LPP: variants seen among roughly 807,000 people sequenced by gnomAD.
LPP encodes the protein lipoma-preferred partner.
A neutral mutation model predicts 60.4 loss-of-function variants in LPP; 38 were observed. That is an observed-to-expected ratio of 0.63 (90% CI 0.49 to 0.83). LPP has a LOEUF of 0.83. LPP is among the 40% of genes least tolerant of loss of function. LPP has a pLI of 0.00. For synonymous variants in LPP, 328 were observed against 290.8 expected (o/e 1.13, Z -1.30); for missense variants, 902 against 783.6 (o/e 1.15, Z -1.80).
chr3:188,203,538 AAT>A (rs535836830), intron 1 of LPP, among the ~76,000 whole-genome samples: 1,409 of 86,294 alleles, frequency 0.016, 27 homozygotes, highest in African/African-American at 0.05. Flanking sequence ...TATATATTTA[AAT>A]ATATATATAT....
At chr3:188,558,790 A>G (rs1001121349) in intron 6 of LPP, among the ~76,000 whole-genome samples, 8 of 152,106 alleles carry the variant, frequency 5.3e-5, no homozygotes, top group African/African-American at 1.7e-4. Flanking sequence ...AGATTTGCCA[A>G]TGGTCAAAAG....
chr3:188,783,121 C>T (rs998730068), intron 9 of LPP, among the ~76,000 whole-genome samples: 2 of 152,076 alleles, frequency 1.3e-5, no homozygotes, highest in African/African-American at 2.4e-5. Context: ...TTATCCTACC[C>T]AATGGGATTC....
At chr3:188,716,447 T>C (rs561324185) in intron 8 of LPP, among the ~76,000 whole-genome samples, 8 of 152,290 alleles carry the variant, frequency 5.3e-5, no homozygotes, top group African/African-American at 1.9e-4. Flanking sequence ...GGATGGTCCA[T>C]TTTCTTTCTG....
chr3:188,617,003 G>C (rs1332397030), intron 7 of LPP, among the ~76,000 whole-genome samples: 3 of 152,080 alleles, frequency 2.0e-5, no homozygotes. Context: ...AATTCTACCT[G>C]ATCATTTTAT....
At chr3:188,251,359 A>G (rs1329028441) in intron 2 of LPP, among the ~76,000 whole-genome samples, 1 of 152,034 alleles carries the variant, frequency 6.6e-6, no homozygotes, top group East Asian at 1.9e-4. Flanking sequence ...TGTCCCAGCC[A>G]TGAAGTCAAG....
intron 7 of LPP, among the ~76,000 whole-genome samples, chr3:188,674,238 A>G (rs778602683): frequency 4.6e-5 from 7 of 152,180 alleles, no homozygotes; most frequent in Non-Finnish European, 8.8e-5. Context: ...GAAGCTTTAT[A>G]TCTCAAAAGC....
At position 188,888,647 on chromosome 3, in the gene LPP, C is replaced by T. The variant is rs1770943520; in HGVS notation, c.*14168C>T. On this transcript the variant is annotated 3_prime_UTR_variant, in exon 12 of 12. Transcript: ENST00000617246. The stretch of plus-strand genomic sequence containing the variant: ...AAGTGCCTATTCTGAGCAACATAAA[C>T]GTTATTCCTTACATATGTATGTACA... The T allele has an allele frequency of 9.0e-6, 2 of 222,142 alleles. No homozygotes were observed. The highest frequency in any genetic ancestry group is 6.5e-5 in the East Asian group (1 of 15,298). 13.8% of individuals were successfully genotyped at this position (222,142 alleles called of 1,614,324 possible).
At chr3:188,622,526 G>T (rs1560657980) in intron 7 of LPP, among the ~76,000 whole-genome samples, 1 of 152,020 alleles carries the variant, frequency 6.6e-6, no homozygotes, top group Non-Finnish European at 1.5e-5. Flanking sequence ...GAAATATGTG[G>T]TTTTTGTTAT....
intron 6 of LPP, among the ~76,000 whole-genome samples, chr3:188,548,803 A>T (rs1827319607): frequency 6.6e-6 from 1 of 152,166 alleles, no homozygotes; most frequent in Non-Finnish European, 1.5e-5. Flanking sequence ...GATGGTAGTG[A>T]TTGCAGATCC....
chr3:188,164,828 AT>A (rs1183436300), intron 1 of LPP, among the ~76,000 whole-genome samples: 1 of 152,146 alleles, frequency 6.6e-6, no homozygotes, highest in Admixed American at 6.6e-5. Flanking sequence ...ACATTTGTGT[AT>A]TCATTTGACA....
rs548167864 is a variant in LPP at position 188,354,451 on chromosome 3, G to T, written c.-10+12732G>T. ...TTTGTGTGCGTGTCTCTGTGTGGTG[G>T]CTTTATGGTTTTTAAAATAAAGTTT... On this transcript the variant is annotated intron_variant, in intron 3 of 11. Coordinates refer to ENST00000617246, the MANE Select transcript of LPP (RefSeq NM_001375462.1). 1.3e-3 allele frequency among the ~76,000 whole-genome samples: 199 copies of T among 152,176 alleles called. 1 individual carries two copies. The Middle Eastern group carries it at 0.014, about 10-fold the overall frequency.
At chr3:188,249,471 A>G (rs549005117) in intron 2 of LPP, among the ~76,000 whole-genome samples, 3 of 152,232 alleles carry the variant, frequency 2.0e-5, no homozygotes, top group South Asian at 2.1e-4. Context: ...AGGGAGAGAA[A>G]GAAAGAAAAA....
rs1302138201 is a variant in LPP, at chr3:188,611,284, C to G, written c.1113+1440C>G. ...GAATTTTAAATGATTTTAAACATGA[C>G]TCAGTTTCTTAAGTCTCTCTATGAA... On this transcript the variant is annotated intron_variant, in intron 7 of 11. Transcript: ENST00000617246. Among the ~76,000 whole-genome samples, 3 of 152,284 alleles carry G rather than the reference C, an allele frequency of 2.0e-5. No individual in the cohort carries two copies. In the East Asian group the frequency reaches 5.8e-4, roughly 29 times the overall value.
chr3:188,715,395 AAAAAAAAAAAAG>A, intron 8 of LPP, among the ~76,000 whole-genome samples: 2 of 149,982 alleles, frequency 1.3e-5, no homozygotes, highest in East Asian at 3.9e-4. Context: ...AAAAAAAAAA[AAAAAAAAAAAAG>A]GAACATGGGG....
chr3:188,386,343 C>G (rs1223245230), intron 3 of LPP, among the ~76,000 whole-genome samples: 1 of 151,548 alleles, frequency 6.6e-6, no homozygotes, highest in Non-Finnish European at 1.5e-5. Context: ...TTATTCTCTA[C>G]TGTCTTTCAG....
intron 2 of LPP, among the ~76,000 whole-genome samples, chr3:188,237,815 A>T (rs1392131312): frequency 6.6e-6 from 1 of 152,176 alleles, no homozygotes; most frequent in Non-Finnish European, 1.5e-5. Context: ...GGACCCTAAG[A>T]TTTTCAGAAT....
At chr3:188,258,313 T>C (rs1577632654) in intron 2 of LPP, among the ~76,000 whole-genome samples, 4 of 152,326 alleles carry the variant, frequency 2.6e-5, no homozygotes, top group Admixed American at 2.6e-4. Context: ...TTAAAATCAC[T>C]TGGGGAGGTT....
At chr3:188,496,015 G>C (rs1810079480) in intron 5 of LPP, among the ~76,000 whole-genome samples, 1 of 151,958 alleles carries the variant, frequency 6.6e-6, no homozygotes, top group Admixed American at 6.6e-5. Context: ...TTATAGCATG[G>C]GGTGTTTATA....
intron 2 of LPP, among the ~76,000 whole-genome samples, chr3:188,318,242 A>C (rs538828612): frequency 6.6e-6 from 1 of 152,278 alleles, no homozygotes; most frequent in African/African-American, 2.4e-5. Flanking sequence ...AAATACCTGA[A>C]AAAATGTTCA....
Sources: allele counts gnomAD v4.1 joint callset (sites outside exome capture counted in the v4.1 genomes callset), GRCh38; gene constraint gnomAD v4.1.1; transcripts MANE v1.5; gene names NCBI Gene and HGNC (gene_info 2026-07-23, HGNC 2026-07-21).